COBL: variants seen among roughly 807,000 people sequenced by gnomAD.
COBL encodes the protein protein cordon-bleu.
COBL carries 51 observed loss-of-function variants against 98.8 expected under a neutral mutation model. The ratio of observed to expected loss-of-function variants is 0.52; its 90% CI spans 0.41 to 0.65. COBL has a LOEUF of 0.65. Ranked by LOEUF, COBL falls within the 30% of genes least tolerant of loss-of-function variation. The pLI is 0.00. For missense variants in COBL, 1,617 were observed against 1,617.5 expected, an observed-to-expected ratio of 1.00 and a Z score of 0.01; for synonymous variants, 634 against 651.7, an observed-to-expected ratio of 0.97 and a Z score of 0.41.
intron 2 of COBL, among the ~76,000 whole-genome samples, chr7:51,207,763 G>C (rs535472651): frequency 2.0e-5 from 3 of 152,214 alleles, no homozygotes; most frequent in African/African-American, 7.2e-5. Flanking sequence ...GTGCAGTGAC[G>C]TGATCTCAGC....
intron 7 of COBL, among the ~76,000 whole-genome samples, chr7:51,082,199 G>A (rs1793720504): frequency 6.6e-6 from 1 of 152,156 alleles, no homozygotes; most frequent in Non-Finnish European, 1.5e-5. Context: ...CTAGAGGGCT[G>A]TGCACACTCA....
At chr7:51,043,354 C>T (rs368932432) in intron 8 of COBL, 29 bp downstream of exon 8, 33 of 1,600,426 alleles carry the variant, frequency 2.1e-5, no homozygotes, top group Admixed American at 8.4e-5. Flanking sequence ...CTGTGACTTC[C>T]GTACCCACCC....
intron 1 of COBL, among the ~76,000 whole-genome samples, chr7:51,306,348 C>A (rs547175513): frequency 6.6e-6 from 1 of 152,266 alleles, no homozygotes; most frequent in East Asian, 1.9e-4. Context: ...ATTACTGAGG[C>A]TCTTGCAGCT....
At chr7:51,107,998 C>T (rs1796465755) in intron 6 of COBL, among the ~76,000 whole-genome samples, 1 of 152,144 alleles carries the variant, frequency 6.6e-6, no homozygotes. Flanking sequence ...TCTCCCTCAG[C>T]AGAAACCTGG....
chr7:51,264,862 C>A (rs1798060930), intron 1 of COBL, among the ~76,000 whole-genome samples: 1 of 152,102 alleles, frequency 6.6e-6, no homozygotes, highest in South Asian at 2.1e-4. Context: ...CTCTCATACA[C>A]ATGTGCATAT....
intron 1 of COBL, among the ~76,000 whole-genome samples, chr7:51,244,824 G>A (rs1344962811): frequency 6.6e-6 from 1 of 152,116 alleles, no homozygotes; most frequent in Non-Finnish European, 1.5e-5. Flanking sequence ...TTCTTGTCCT[G>A]GGCTCCACCT....
chr7:51,196,376 G>C lies in COBL; in HGVS notation c.246-2787C>G, dbSNP rs148127551. 8.2e-3 allele frequency among the ~76,000 whole-genome samples: 1,244 copies of C among 152,244 alleles called. 65 individuals carry two copies. In the South Asian group the frequency reaches 0.14, roughly 17 times the overall value. On this transcript the variant is annotated intron_variant, in intron 2 of 12. Transcript: ENST00000265136. ...CTTGATCGTGGTGGACAAGATTTTT[G>C]ATGTGCTGCTGGATTCAGTTTGCCA...
At chr7:51,286,520 C>A (rs1409427629) in intron 1 of COBL, among the ~76,000 whole-genome samples, 2 of 152,046 alleles carry the variant, frequency 1.3e-5, no homozygotes, top group African/African-American at 2.4e-5. Context: ...TGTTCATCAT[C>A]ATTAATCATC....
intron 7 of COBL, among the ~76,000 whole-genome samples, chr7:51,046,185 A>G (rs1789671950): frequency 6.6e-6 from 1 of 152,180 alleles, no homozygotes; most frequent in Non-Finnish European, 1.5e-5. Flanking sequence ...CCTTCTGCCA[A>G]AGGGGTGGGA....
At chr7:51,093,053 T>C (rs1794958488) in intron 6 of COBL, among the ~76,000 whole-genome samples, 1 of 152,210 alleles carries the variant, frequency 6.6e-6, no homozygotes, top group African/African-American at 2.4e-5. Flanking sequence ...AAATAGCTCC[T>C]GCACAGCAAA....
At chr7:51,160,189 G>C (rs1212776338) in intron 5 of COBL, among the ~76,000 whole-genome samples, 1 of 152,168 alleles carries the variant, frequency 6.6e-6, no homozygotes, top group Non-Finnish European at 1.5e-5. Context: ...ACCATGTCTG[G>C]CCTATTTTTA....
At chr7:51,218,543 G>A (rs534272723) in intron 2 of COBL, among the ~76,000 whole-genome samples, 18 of 152,232 alleles carry the variant, frequency 1.2e-4, no homozygotes, top group Admixed American at 5.9e-4. Context: ...GCACAATCTC[G>A]GTTCACTGCA....
At chr7:51,207,373 A>AT (rs1445400330) in intron 2 of COBL, among the ~76,000 whole-genome samples, 1 of 152,110 alleles carries the variant, frequency 6.6e-6, no homozygotes, top group Non-Finnish European at 1.5e-5. Flanking sequence ...AATAAATAAA[A>AT]TTTTGTCTCT....
intron 1 of COBL, among the ~76,000 whole-genome samples, chr7:51,296,854 T>A (rs1284725663): frequency 3.3e-5 from 5 of 152,202 alleles, no homozygotes; most frequent in Non-Finnish European, 5.9e-5. Context: ...AAAACGACCA[T>A]GCTGTATGCA....
intron 3 of COBL, among the ~76,000 whole-genome samples, chr7:51,191,847 C>G (rs1280130234): frequency 6.6e-6 from 1 of 152,158 alleles, no homozygotes; most frequent in African/African-American, 2.4e-5. Flanking sequence ...CACTGTAGAG[C>G]TGGACACAGT....
At chr7:51,226,129 T>C (rs1794157325) in intron 1 of COBL, among the ~76,000 whole-genome samples, 1 of 152,228 alleles carries the variant, frequency 6.6e-6, no homozygotes. Context: ...TCCACAGTGA[T>C]GCTGAGGCCA....
chr7:51,026,874 G>A (rs969330184), intron 10 of COBL, among the ~76,000 whole-genome samples: 3 of 152,040 alleles, frequency 2.0e-5, no homozygotes, highest in Non-Finnish European at 4.4e-5. Flanking sequence ...CTCCAGCCTG[G>A]GCCACAGAGT....
chr7:51,061,950 T>TACACACACACACACACACAC (rs3047134), intron 7 of COBL, among the ~76,000 whole-genome samples: 1 of 145,448 alleles, frequency 6.9e-6, no homozygotes, highest in African/African-American at 2.7e-5. Flanking sequence ...CCACCATAGA[T>TACACACACACACACACACAC]ACACACACAC....
At chr7:51,297,337 G>C (rs1801505134) in intron 1 of COBL, among the ~76,000 whole-genome samples, 1 of 150,928 alleles carries the variant, frequency 6.6e-6, no homozygotes, top group Non-Finnish European at 1.5e-5. Context: ...CAGTACCTGA[G>C]ATCTTTTGTT....
Sources: gnomAD v4.1 joint callset for allele counts (sites outside exome capture counted in the v4.1 genomes callset) on GRCh38, gnomAD v4.1.1 for gene constraint, MANE v1.5 for transcripts, NCBI Gene and HGNC (gene_info 2026-07-23, HGNC 2026-07-21) for gene names.